The following RGPD2 variants were observed in gnomAD, a reference collection of about 807,000 sequenced individuals.
RGPD2 encodes RANBP2-like and GRIP domain-containing protein 2.
Under a neutral mutation model 36.0 loss-of-function variants are expected in RGPD2, and 2 were observed. That is an observed-to-expected ratio of 0.06 (90% CI 0.02 to 0.17). The LOEUF (loss-of-function observed/expected upper bound fraction) is 0.17, where lower values mean the gene tolerates loss of function less well. RGPD2 is among the 10% of genes least tolerant of loss of function. RGPD2 has a pLI of 1.00. For missense variants in RGPD2, 40 were observed against 464.3 expected, an observed-to-expected ratio of 0.09 and a Z score of 8.40; for synonymous variants, 19 against 163.8, an observed-to-expected ratio of 0.12 and a Z score of 6.75.
At chr2:87,872,266 C>CA in the RGPD2 span, among the ~76,000 whole-genome samples, 1 of 151,722 alleles carries the variant, frequency 6.6e-6, no homozygotes, top group Non-Finnish European at 1.5e-5. Context: ...AATAATGTTA[C>CA]ATTATCAAGA....
chr2:87,912,121 T>C, the RGPD2 span, among the ~76,000 whole-genome samples: 3 of 151,240 alleles, frequency 2.0e-5, no homozygotes. Flanking sequence ...TCTTCGATTG[T>C]ATTTCCCTTT....
At chr2:87,970,180 T>G in the RGPD2 span, among the ~76,000 whole-genome samples, 2 of 152,056 alleles carry the variant, frequency 1.3e-5, no homozygotes, top group African/African-American at 4.8e-5. Flanking sequence ...TCTTCACATG[T>G]TTTTGTAGAT....
chr2:87,883,085 G>A, the RGPD2 span, among the ~76,000 whole-genome samples: 797 of 152,206 alleles, frequency 5.2e-3, no homozygotes, highest in Middle Eastern at 6.8e-3. Context: ...ATTATAAAGT[G>A]TAAAAACAAA....
intron 2 of RGPD2, among the ~76,000 whole-genome samples, chr2:87,818,020 TAAAAAAAAAAAAAA>T (rs1175812254): frequency 1.5e-5 from 1 of 65,334 alleles, no homozygotes; most frequent in Admixed American, 2.0e-4. Flanking sequence ...AGATACTGAC[TAAAAAAAAAAAAAA>T]AAAAAAAAAA....
the RGPD2 span, among the ~76,000 whole-genome samples, chr2:87,932,257 C>A: frequency 4.3e-5 from 4 of 93,956 alleles, no homozygotes; most frequent in South Asian, 1.2e-3. Flanking sequence ...AGAAACTAGG[C>A]TAGCAACTTC....
the RGPD2 span, among the ~76,000 whole-genome samples, chr2:87,882,938 T>G: frequency 2.6e-5 from 4 of 151,726 alleles, no homozygotes; most frequent in East Asian, 5.9e-4. Context: ...GTATTTTATT[T>G]TGTAGCTTAA....
the RGPD2 span, among the ~76,000 whole-genome samples, chr2:87,879,313 T>C: frequency 1.3e-5 from 2 of 152,066 alleles, no homozygotes; most frequent in African/African-American, 4.8e-5. Context: ...AGTTATACTC[T>C]TTTGATTTTA....
At chr2:87,814,983 T>C (rs1264478191) in intron 4 of RGPD2, among the ~76,000 whole-genome samples, 2 of 58,468 alleles carry the variant, frequency 3.4e-5, no homozygotes, top group East Asian at 1.3e-3. Context: ...AGTATAAAGA[T>C]GGAGAACAGA....
chr2:87,848,827 G>A, the RGPD2 span, among the ~76,000 whole-genome samples: 1 of 149,014 alleles, frequency 6.7e-6, no homozygotes, highest in African/African-American at 2.5e-5. Context: ...AGAGGTTTTG[G>A]TTTAAAAAGG....
the RGPD2 span, among the ~76,000 whole-genome samples, chr2:87,976,195 C>A: frequency 6.6e-6 from 1 of 151,168 alleles, no homozygotes; most frequent in Non-Finnish European, 1.5e-5. Context: ...AAGGTATTTA[C>A]TCCACGGAAC....
the RGPD2 span, among the ~76,000 whole-genome samples, chr2:87,839,527 C>T: frequency 1.3e-5 from 2 of 151,958 alleles, no homozygotes; most frequent in Non-Finnish European, 2.9e-5. Flanking sequence ...AACATAGATG[C>T]CCATCAGTGG....
chr2:87,882,400 A>G, the RGPD2 span, among the ~76,000 whole-genome samples: 1 of 152,234 alleles, frequency 6.6e-6, no homozygotes, highest in Admixed American at 6.5e-5. Context: ...TTGAAAATCA[A>G]CTCACACTAG....
intron 1 of RGPD2, among the ~76,000 whole-genome samples, chr2:87,825,297 G>A (rs75333792): frequency 4.0e-5 from 6 of 151,332 alleles, no homozygotes; most frequent in African/African-American, 1.2e-4. Context: ...ACACTAAAGG[G>A]CGAACCTGAT....
chr2:87,883,071 G>A, the RGPD2 span, among the ~76,000 whole-genome samples: 111 of 152,196 alleles, frequency 7.3e-4, no homozygotes, highest in Non-Finnish European at 1.0e-3. Context: ...TTAATTATGT[G>A]TCTATTATAA....
intron 20 of RGPD2, 113 bp from the exon 21 acceptor site, chr2:87,775,196 GCTTT>G (rs1440790420): frequency 2.0e-4 from 9 of 45,794 alleles, no homozygotes; most frequent in African/African-American, 5.3e-4. Context: ...TTATAGGTCT[GCTTT>G]CTTTGCCATT....
At chr2:87,914,047 C>T in the RGPD2 span, among the ~76,000 whole-genome samples, 2 of 151,970 alleles carry the variant, frequency 1.3e-5, no homozygotes, top group Non-Finnish European at 2.9e-5. Context: ...AAAACACAGA[C>T]AGTTTATTGT....
chr2:87,881,183 T>C, the RGPD2 span, among the ~76,000 whole-genome samples: 1 of 151,356 alleles, frequency 6.6e-6, no homozygotes, highest in African/African-American at 2.4e-5. Flanking sequence ...CAGGTTTCAG[T>C]CCCCATGCCT....
chr2:87,902,591 T>C, the RGPD2 span, among the ~76,000 whole-genome samples: 1 of 145,900 alleles, frequency 6.9e-6, no homozygotes, highest in Admixed American at 6.9e-5. Context: ...CATATTAAAA[T>C]ATTATTGTAT....
chr2:87,865,160 T>A, the RGPD2 span, among the ~76,000 whole-genome samples: 1 of 152,120 alleles, frequency 6.6e-6, no homozygotes, highest in Non-Finnish European at 1.5e-5. Context: ...ATATCTGGAA[T>A]ACCTCAGCTC....
Sources: gnomAD v4.1 joint callset for allele counts (sites outside exome capture counted in the v4.1 genomes callset) on GRCh38, gnomAD v4.1.1 for gene constraint, MANE v1.5 for transcripts, NCBI Gene and HGNC (gene_info 2026-07-23, HGNC 2026-07-21) for gene names.